Variants in CCDC110 observed in about 807,000 individuals in gnomAD.
CCDC110 encodes the protein coiled-coil domain-containing protein 110.
A neutral mutation model predicts 77.1 loss-of-function variants in CCDC110; 70 were observed. The observed-to-expected ratio is 0.91, with a 90% CI of 0.75 to 1.11. CCDC110 has a LOEUF of 1.11. CCDC110 is among the 50% of genes least tolerant of loss of function. CCDC110 has a pLI of 0.00. For synonymous variants in CCDC110, 295 were observed against 312.5 expected, an observed-to-expected ratio of 0.94 and a Z score of 0.59; for missense variants, 868 against 942.9, an observed-to-expected ratio of 0.92 and a Z score of 1.04.
At chr4:185,449,656 C>CA in intron 6 of CCDC110, 1 of 1,517,720 alleles carries the variant, frequency 6.6e-7, no homozygotes, top group South Asian at 1.3e-5. Context: ...AACTGGAAGA[C>CA]AAGTAGCTTT....
Position 185,471,664 on chromosome 4 carries a change from C to T in CCDC110, c.10+10G>A. 1 of 1,560,916 alleles carries T rather than the reference C, an allele frequency of 6.4e-7. No homozygotes were observed. Among genetic ancestry groups the T allele is most frequent in the South Asian group, 1.2e-5 (1 of 83,738 alleles). On this transcript the variant is annotated intron_variant, in intron 1 of 6. Coordinates refer to ENST00000307588, the MANE Select transcript of CCDC110 (RefSeq NM_152775.4). ...GCTCCCCTAGGAGCCCCGCCCCGTC[C>T]AACTCTTACCCGGGCTCATCGCCGC... is the stretch of plus-strand genomic sequence containing the variant.
chr4:185,458,334 T>G lies in CCDC110; in HGVS notation c.2253A>C (p.Arg751Ser), dbSNP rs759162573. The change falls in exon 6 of 7, where the codon AGA (arginine) becomes AGC (serine). Residue 751 changes from arginine to serine, a missense_variant. Coordinates refer to ENST00000307588, the MANE Select transcript of CCDC110 (RefSeq NM_152775.4). ...EDKILLENYV[R>S]SIENERDTLE... ...AGGTATCCCTTTCATTTTCTATGCTTCTTACGTAATTTTCTAAAAGTATTT... is the reference window on the plus strand; with the variant it reads ...AGGTATCCCTTTCATTTTCTATGCTGCTTACGTAATTTTCTAAAAGTATTT... The G allele has an allele frequency of 6.3e-7, 1 of 1,587,662 alleles. No homozygotes were observed. Among genetic ancestry groups the G allele is most frequent in the Non-Finnish European group, 8.5e-7 (1 of 1,172,648 alleles).
intron 2 of CCDC110, among the ~76,000 whole-genome samples, chr4:185,464,191 TAA>T (rs2095651476): frequency 6.6e-6 from 1 of 152,212 alleles, no homozygotes; most frequent in Non-Finnish European, 1.5e-5. Context: ...CCCTAAGTTT[TAA>T]AAGAGGTCAG....
rs907151844 is a variant in CCDC110, at chr4:185,471,008, G to A, written c.52C>T (p.Leu18Phe). ...REEDEVDSVL[L>F]SASKILNSSE... ...GAATTTAGGATCTTGGACGCTGAAA[G>A]GAGAACGGAGTCAACTTCATCCTCT... Residue 18 changes from leucine to phenylalanine, a missense_variant, in exon 2 of 7, where the codon CTT (leucine) becomes TTT (phenylalanine). Transcript: ENST00000307588. 1.2e-6 allele frequency: 2 copies of A among 1,606,352 alleles called. No homozygotes were observed. Among genetic ancestry groups the A allele is most frequent in the Admixed American group, 3.4e-5 (2 of 59,226 alleles).
chr4:185,460,578 C>T (rs1490781544), intron 5 of CCDC110, among the ~76,000 whole-genome samples: 2 of 152,196 alleles, frequency 1.3e-5, no homozygotes, highest in Admixed American at 1.3e-4. Context: ...ATGGGAGTTT[C>T]AGGCAAATGA....
At chr4:185,446,552 T>C (rs2095611944) in intron 6 of CCDC110, among the ~76,000 whole-genome samples, 1 of 152,202 alleles carries the variant, frequency 6.6e-6, no homozygotes, top group South Asian at 2.1e-4. Context: ...TCTAGTCAGT[T>C]GCTTAAGTTG....
At chr4:185,453,572 G>C (rs908256937) in intron 6 of CCDC110, among the ~76,000 whole-genome samples, 1 of 145,848 alleles carries the variant, frequency 6.9e-6, no homozygotes, top group African/African-American at 2.5e-5. Flanking sequence ...TCCCGAGACA[G>C]GGTCTTGCTC....
intron 2 of CCDC110, among the ~76,000 whole-genome samples, chr4:185,467,370 A>T (rs1434229771): frequency 6.6e-6 from 1 of 152,218 alleles, no homozygotes; most frequent in Admixed American, 6.5e-5. Context: ...TAATTTAAAA[A>T]CTAGGCAATA....
chr4:185,470,652 C>T (rs775638756), intron 2 of CCDC110: 45 of 527,404 alleles, frequency 8.5e-5, no homozygotes, highest in Non-Finnish European at 1.1e-4. Flanking sequence ...CTGCTGAATG[C>T]CCGCTCCATT....
intron 4 of CCDC110, among the ~76,000 whole-genome samples, chr4:185,462,066 C>T (rs2095647397): frequency 6.6e-6 from 1 of 152,170 alleles, no homozygotes; most frequent in Non-Finnish European, 1.5e-5. Flanking sequence ...CCACCACACT[C>T]CAGCCTGGGT....
Position 185,458,701 on chromosome 4 carries a change from G to A in CCDC110, c.1886C>T (p.Thr629Ile), listed in dbSNP as rs2095640146. The A allele has an allele frequency of 1.2e-6, 2 of 1,604,122 alleles. No homozygotes were observed. The highest frequency in any genetic ancestry group is 1.7e-6 in the Non-Finnish European group (2 of 1,177,756). ...KERLAKTEQE[T>I]LLQIIETVKD... ...AACTGTTTCTATTATTTGAAGAAGT[G>A]TCTCTTGTTCCGTTTTTGCCAATCT... The change falls in exon 6 of 7, where the codon ACA becomes ATA. Residue 629 changes from threonine (T) to isoleucine (I), a missense_variant. Physicochemically the swap from Thr to Ile is moderately conservative, Grantham distance 89. Transcript: ENST00000307588.
intron 2 of CCDC110, among the ~76,000 whole-genome samples, chr4:185,466,509 T>C (rs1204228393): frequency 3.3e-5 from 5 of 152,182 alleles, no homozygotes; most frequent in Admixed American, 1.3e-4. Context: ...AGGTCACTGT[T>C]TCTAGTTTCA....
chr4:185,445,219 A>AG lies in CCDC110; in HGVS notation c.*282_*283insC. ...TCAAAATAGTATCTTTTATTTATATATACTTTTTTAAATGACAAATGTGGG... is the reference window on the plus strand; with the variant it reads ...TCAAAATAGTATCTTTTATTTATATAGTACTTTTTTAAATGACAAATGTGGG... On this transcript the variant is annotated 3_prime_UTR_variant, in exon 7 of 7. Coordinates refer to ENST00000307588, the MANE Select transcript of CCDC110 (RefSeq NM_152775.4). The AG allele has an allele frequency of 8.5e-7, 1 of 1,182,240 alleles. No homozygotes were observed. The highest frequency in any genetic ancestry group is 1.2e-6 in the Non-Finnish European group (1 of 849,462). The allele number at this position is 1,182,240 out of a possible 1,614,324, so 73.2% of individuals were successfully genotyped here. A position where few individuals can be genotyped will look rare whatever the true frequency, so the allele number is the denominator to read the frequency against.
chr4:185,457,563 G>A (rs1190223059), intron 6 of CCDC110, among the ~76,000 whole-genome samples: 1 of 152,160 alleles, frequency 6.6e-6, no homozygotes, highest in Non-Finnish European at 1.5e-5. Context: ...AACTGTGGCA[G>A]GCTAAAATAT....
intron 6 of CCDC110, among the ~76,000 whole-genome samples, chr4:185,450,899 C>T (rs2095628083): frequency 6.6e-6 from 1 of 151,966 alleles, no homozygotes; most frequent in African/African-American, 2.4e-5. Context: ...TCAAATAATA[C>T]ATTGGAAGTT....
intron 5 of CCDC110, among the ~76,000 whole-genome samples, chr4:185,460,472 T>C (rs565960961): frequency 5.3e-5 from 8 of 152,350 alleles, no homozygotes; most frequent in Non-Finnish European, 7.3e-5. Flanking sequence ...TGGGGTGAGA[T>C]ACATGGGCCA....
In CCDC110 at chr4:185,468,080, T is replaced by C. The variant is rs190031443; in HGVS notation, c.115+2865A>G. 2.0e-5 allele frequency among the ~76,000 whole-genome samples: 3 copies of C among 152,354 alleles called. No homozygotes were observed. The highest frequency in any genetic ancestry group is 1.9e-4 in the East Asian group (1 of 5,188). ...CACCATGCCTGGCCGCAGGTTCTAA[T>C]ACTGAGTTCTGCTGTGACAATTCAA... is the stretch of plus-strand genomic sequence containing the variant. On this transcript the variant is annotated intron_variant, in intron 2 of 6. Coordinates refer to ENST00000307588, the MANE Select transcript of CCDC110 (RefSeq NM_152775.4). The surrounding 1 kb of genome is among the most constrained non-coding windows in gnomAD (Gnocchi z 4.5).
intron 6 of CCDC110, chr4:185,449,681 T>C (rs2095625827): frequency 7.2e-7 from 1 of 1,381,432 alleles, no homozygotes; most frequent in Admixed American, 2.3e-5. Context: ...ATCTTAACTA[T>C]GAGTAATTCA....
Position 185,459,624 on chromosome 4 carries a change from T to C in CCDC110, c.963A>G (p.Lys321=). 1 of 1,612,574 alleles carries C rather than the reference T, an allele frequency of 6.2e-7. No homozygotes were observed. The highest frequency in any genetic ancestry group is 1.1e-5 in the South Asian group (1 of 90,674). Residue 321 remains lysine (K), a synonymous_variant, in exon 6 of 7, where the codon AAA becomes AAG. Coordinates refer to ENST00000307588, the MANE Select transcript of CCDC110 (RefSeq NM_152775.4). ...RISELEALVK[K]LLPFRETVSK... The stretch of plus-strand genomic sequence containing the variant: ...ACACAGTTTCCCTGAAGGGGAGTAA[T>C]TTCTTCACTAATGCCTCTAATTCTG...
Sources: gnomAD v4.1 joint callset for allele counts (sites outside exome capture counted in the v4.1 genomes callset) on GRCh38, gnomAD v4.1.1 for gene constraint, Gnocchi (gnomAD v3.1) non-coding constraint, MANE v1.5 for transcripts, NCBI Gene and HGNC (gene_info 2026-07-23, HGNC 2026-07-21) for gene names.